Variants in FYN observed in about 807,000 individuals in gnomAD.
FYN encodes the protein tyrosine-protein kinase Fyn.
In FYN, 10 loss-of-function variants were observed where a neutral mutation model predicts 70.2. That is an observed-to-expected ratio of 0.14 (90% CI 0.09 to 0.24). FYN has a LOEUF of 0.24. Ranked by LOEUF, FYN falls within the 10% of genes least tolerant of loss-of-function variation. The pLI, the probability that FYN is intolerant of heterozygous loss-of-function variation, is 1.00. For synonymous variants in FYN, 236 were observed against 248.6 expected (o/e 0.95, Z 0.48); for missense variants, 319 against 673.1 (o/e 0.47, Z 5.82).
chr6:111,714,243 T>C (rs1800517148), intron 5 of FYN, 104 bp downstream of exon 5: 1 of 728,688 alleles, frequency 1.4e-6, no homozygotes. Context: ...ATTTAGCAAA[T>C]GTTCTTTTAG....
At chr6:111,845,160 C>T (rs1184213507) in intron 2 of FYN, among the ~76,000 whole-genome samples, 5 of 152,252 alleles carry the variant, frequency 3.3e-5, no homozygotes, top group Non-Finnish European at 7.3e-5. Context: ...CAGGGGAGGG[C>T]AAGTCCTGCA....
chr6:111,679,253 C>T lies in FYN; in HGVS notation c.1274-4623G>A, dbSNP rs533350993. Among the ~76,000 whole-genome samples, 80 of 152,342 alleles carry T rather than the reference C, an allele frequency of 5.3e-4. 1 individual carries two copies. Among genetic ancestry groups the T allele is most frequent in the African/African-American group, 1.9e-3 (77 of 41,586 alleles). Reference sequence around the variant, plus strand: ...GCCAAAGTGTTACTTGCACAGGGAACCTTTGCCTGATCACTAAAGACTGCG... The same window carrying T: ...GCCAAAGTGTTACTTGCACAGGGAATCTTTGCCTGATCACTAAAGACTGCG... On this transcript the variant is annotated intron_variant, in intron 12 of 13. Coordinates refer to ENST00000354650, the MANE Select transcript of FYN (RefSeq NM_002037.5).
chr6:111,691,773 C>T (rs1256038452), intron 12 of FYN, among the ~76,000 whole-genome samples: 1 of 152,168 alleles, frequency 6.6e-6, no homozygotes, highest in East Asian at 1.9e-4. Flanking sequence ...ATGACTAATC[C>T]TCTCTATCTT....
intron 3 of FYN, among the ~76,000 whole-genome samples, chr6:111,773,204 C>G (rs1053053700): frequency 6.7e-6 from 1 of 148,320 alleles, no homozygotes; most frequent in African/African-American, 2.5e-5. Flanking sequence ...TTCTCCCAAC[C>G]AGCAAGTTTG....
chr6:111,806,273 ATC>A (rs1583460209), intron 2 of FYN, among the ~76,000 whole-genome samples: 1 of 152,136 alleles, frequency 6.6e-6, no homozygotes, highest in Admixed American at 6.5e-5. Flanking sequence ...ATAAAGAACC[ATC>A]TCTCTCTTTC....
chr6:111,727,652 C>T (rs1562493509), intron 3 of FYN, among the ~76,000 whole-genome samples: 2 of 152,166 alleles, frequency 1.3e-5, no homozygotes, highest in Non-Finnish European at 2.9e-5. Context: ...CCAAGCTTTG[C>T]TTCAGAAATA....
At chr6:111,762,634 C>T (rs1001006620) in intron 3 of FYN, among the ~76,000 whole-genome samples, 14 of 152,162 alleles carry the variant, frequency 9.2e-5, no homozygotes, top group Admixed American at 1.3e-4. Flanking sequence ...TTTACCCTAA[C>T]ATATATTTCC....
At chr6:111,671,329 A>T (rs541635142) in intron 13 of FYN, among the ~76,000 whole-genome samples, 1 of 152,116 alleles carries the variant, frequency 6.6e-6, no homozygotes, top group South Asian at 2.1e-4. Flanking sequence ...CTCCACTCTA[A>T]GTTCCTTCTG....
chr6:111,675,806 A>G (rs1798508216), intron 12 of FYN, among the ~76,000 whole-genome samples: 1 of 151,240 alleles, frequency 6.6e-6, no homozygotes, highest in African/African-American at 2.4e-5. Context: ...AAAAAATGAA[A>G]TAAAATAAAA....
At chr6:111,692,034 C>T (rs1464534416) in intron 12 of FYN, among the ~76,000 whole-genome samples, 1 of 152,042 alleles carries the variant, frequency 6.6e-6, no homozygotes, top group Admixed American at 6.5e-5. Flanking sequence ...CCCTACCCCT[C>T]TGCTGCAGGA....
intron 3 of FYN, among the ~76,000 whole-genome samples, chr6:111,750,128 C>A (rs1414269641): frequency 6.6e-6 from 1 of 152,192 alleles, no homozygotes; most frequent in East Asian, 1.9e-4. Flanking sequence ...TTCTGACTTT[C>A]TGCAACATAA....
At chr6:111,743,362 C>T (rs1383901192) in intron 3 of FYN, among the ~76,000 whole-genome samples, 1 of 152,204 alleles carries the variant, frequency 6.6e-6, no homozygotes, top group African/African-American at 2.4e-5. Context: ...TCTTACTTTA[C>T]ATCATGATTT....
intron 12 of FYN, among the ~76,000 whole-genome samples, chr6:111,681,758 C>T (rs706861): frequency 0.014 from 2,136 of 152,242 alleles, 51 homozygotes; most frequent in African/African-American, 0.047. Context: ...ATACACTGAG[C>T]GCTTGCTAAG....
chr6:111,774,944 C>T (rs527497789), intron 3 of FYN, among the ~76,000 whole-genome samples: 1 of 152,294 alleles, frequency 6.6e-6, no homozygotes, highest in East Asian at 1.9e-4. Context: ...GACTCGAACT[C>T]CTGACCTCAA....
chr6:111,832,077 T>G (rs1264981662), intron 2 of FYN, among the ~76,000 whole-genome samples: 3 of 152,184 alleles, frequency 2.0e-5, no homozygotes, highest in Non-Finnish European at 2.9e-5. Flanking sequence ...TGAATATCAA[T>G]TGACATTATA....
intron 8 of FYN, among the ~76,000 whole-genome samples, chr6:111,700,554 G>A (rs1015637059): frequency 2.0e-5 from 3 of 152,218 alleles, no homozygotes; most frequent in African/African-American, 7.2e-5. Flanking sequence ...ACTACTCCAT[G>A]AGCCCAGGTA....
intron 2 of FYN, among the ~76,000 whole-genome samples, 159 bp from the exon 3 acceptor site, chr6:111,780,794 G>C (rs1771144049): frequency 6.6e-6 from 1 of 152,128 alleles, no homozygotes; most frequent in African/African-American, 2.4e-5. Context: ...TTTTTCCCAG[G>C]AAGATGAAAC....
At chr6:111,824,972 G>A (rs1172014073) in intron 2 of FYN, among the ~76,000 whole-genome samples, 1 of 152,180 alleles carries the variant, frequency 6.6e-6, no homozygotes, top group Non-Finnish European at 1.5e-5. Context: ...ACTCCTCTGA[G>A]CTCCCATCTC....
At chr6:111,666,183 T>TA (rs1797998982) in intron 13 of FYN, among the ~76,000 whole-genome samples, 1 of 152,020 alleles carries the variant, frequency 6.6e-6, no homozygotes, top group Non-Finnish European at 1.5e-5. Flanking sequence ...AGAAACTTTA[T>TA]AAAACATGGT....
Sources: gnomAD v4.1 joint callset for allele counts (sites outside exome capture counted in the v4.1 genomes callset) on GRCh38, gnomAD v4.1.1 for gene constraint, MANE v1.5 for transcripts, NCBI Gene and HGNC (gene_info 2026-07-23, HGNC 2026-07-21) for gene names.